Variants in CEP63 observed in about 807,000 individuals in gnomAD.
CEP63 encodes the protein centrosomal protein 63.
A neutral mutation model predicts 89.1 loss-of-function variants in CEP63; 84 were observed. The ratio of observed to expected loss-of-function variants is 0.94; its 90% CI spans 0.79 to 1.13. The LOEUF (loss-of-function observed/expected upper bound fraction) is 1.13. Ranked by LOEUF, CEP63 falls within the 50% of genes most tolerant of loss-of-function variation. The pLI, the probability that CEP63 is intolerant of heterozygous loss-of-function variation, is 0.00. For synonymous variants in CEP63, 267 were observed against 272.5 expected, an observed-to-expected ratio of 0.98 and a Z score of 0.20; for missense variants, 838 against 813.3, an observed-to-expected ratio of 1.03 and a Z score of -0.37.
intron 3 of CEP63, among the ~76,000 whole-genome samples, chr3:134,527,864 C>T (rs1455268828): frequency 1.3e-5 from 2 of 152,042 alleles, no homozygotes; most frequent in Non-Finnish European, 2.9e-5. Context: ...CAAGACTACC[C>T]TGCAGAGTTC....
the CEP63 span, among the ~76,000 whole-genome samples, chr3:134,772,584 A>G: frequency 1.3e-5 from 2 of 150,824 alleles, no homozygotes; most frequent in Non-Finnish European, 2.9e-5. Flanking sequence ...TGCTCCATGT[A>G]TCTAGGACTC....
chr3:134,775,961 A>G, the CEP63 span, among the ~76,000 whole-genome samples: 1 of 152,202 alleles, frequency 6.6e-6, no homozygotes, highest in Non-Finnish European at 1.5e-5. Flanking sequence ...ACTGAACACT[A>G]AAAGCTGAAA....
the CEP63 span, among the ~76,000 whole-genome samples, chr3:134,775,052 GC>G: frequency 1.3e-5 from 2 of 152,164 alleles, no homozygotes; most frequent in Non-Finnish European, 2.9e-5. Flanking sequence ...CTCCAGTTTT[GC>G]CACAGGATTA....
At position 134,495,095 on chromosome 3, in the gene CEP63, A is replaced by C. The variant is rs76643373; in HGVS notation, c.-25-201A>C. 2.2e-3 allele frequency among the ~76,000 whole-genome samples: 329 copies of C among 152,274 alleles called. 10 individuals are homozygous for C. In the East Asian group the frequency reaches 0.059, roughly 27 times the overall value. On this transcript the variant is annotated intron_variant, in intron 1 of 14. Transcript: ENST00000675561. ...TGTCAACCGCAATTCAGATATTTTT[A>C]AGTTATTCTGTTTTAGTCCGAAATA...
chr3:134,739,674 G>A, the CEP63 span, among the ~76,000 whole-genome samples: 2 of 149,116 alleles, frequency 1.3e-5, no homozygotes, highest in East Asian at 1.9e-4. Flanking sequence ...CCATGTACAC[G>A]AACTTTAAAA....
chr3:134,700,227 G>A, the CEP63 span, among the ~76,000 whole-genome samples: 157 of 152,180 alleles, frequency 1.0e-3, 2 homozygotes, highest in South Asian at 0.03. Context: ...CAAACATTGC[G>A]AACATATCCT....
At chr3:134,721,150 T>C in the CEP63 span, among the ~76,000 whole-genome samples, 1 of 152,144 alleles carries the variant, frequency 6.6e-6, no homozygotes, top group African/African-American at 2.4e-5. Flanking sequence ...TTTTCACCAA[T>C]ACTTTGTAGT....
Position 134,564,360 on chromosome 3 carries a change from T to G in CEP63, c.*2825T>G. ...TCATGTGCTCCTAAAACTCCCCCTT[T>G]ACTTGGCTACTTTATCTGGCTTGGC... On this transcript the variant is annotated 3_prime_UTR_variant, in exon 15 of 15. Coordinates refer to ENST00000675561, the MANE Select transcript of CEP63 (RefSeq NM_001353108.3). The G allele has an allele frequency of 1.0e-6, 1 of 985,504 alleles. No individual in the cohort carries two copies. The highest frequency in any genetic ancestry group is 1.2e-6 in the Non-Finnish European group (1 of 829,998). The allele number at this position is 985,504 out of a possible 1,614,324, so 61.0% of individuals were successfully genotyped here.
In CEP63 at chr3:134,504,208, G is replaced by A. The variant is rs544756248; in HGVS notation, c.45-2901G>A. ...TCTTATACTTTTTGTGTGTTTTCAC[G>A]ATAGTAGATATCATCCTTTTGCCTC... On this transcript the variant is annotated intron_variant, in intron 2 of 14. Coordinates refer to ENST00000675561, the MANE Select transcript of CEP63 (RefSeq NM_001353108.3). Among the ~76,000 whole-genome samples the A allele has an allele frequency of 4.6e-5, 7 of 151,274 alleles. No individual in the cohort carries two copies. In the South Asian group the frequency reaches 1.0e-3, roughly 23 times the overall value.
the CEP63 span, among the ~76,000 whole-genome samples, chr3:134,681,103 A>T: frequency 1.3e-5 from 2 of 152,206 alleles, no homozygotes; most frequent in African/African-American, 4.8e-5. Flanking sequence ...CAGACCCCTC[A>T]CAGGGCCCTG....
At chr3:134,550,708 G>A (rs1255400237) in intron 11 of CEP63, among the ~76,000 whole-genome samples, 3 of 152,180 alleles carry the variant, frequency 2.0e-5, no homozygotes, top group African/African-American at 7.2e-5. Context: ...AGCAGGGACT[G>A]GCTGCTGAAG....
At chr3:134,541,621 C>T (rs1309873571) in intron 6 of CEP63, among the ~76,000 whole-genome samples, 5 of 150,146 alleles carry the variant, frequency 3.3e-5, no homozygotes, top group Non-Finnish European at 1.5e-5. Flanking sequence ...ATCAAACGAT[C>T]CTCCTCCTCA....
intron 11 of CEP63, among the ~76,000 whole-genome samples, chr3:134,574,339 A>G (rs998775624): frequency 6.6e-6 from 1 of 152,110 alleles, no homozygotes; most frequent in Non-Finnish European, 1.5e-5. Flanking sequence ...AAGCAATCCA[A>G]CAGTTTCTGA....
At chr3:134,616,176 A>C in the CEP63 span, among the ~76,000 whole-genome samples, 1 of 152,332 alleles carries the variant, frequency 6.6e-6, no homozygotes, top group South Asian at 2.1e-4. Flanking sequence ...TGGATGATAG[A>C]AAGTCAGAAG....
Position 134,552,008 on chromosome 3 carries a change from A to G in CEP63, c.1463A>G (p.His488Arg). 6.3e-7 allele frequency: 1 copy of G among 1,575,144 alleles called. No individual in the cohort carries two copies. The highest frequency in any genetic ancestry group is 8.7e-7 in the Non-Finnish European group (1 of 1,147,376). ...EMVMKLELGL[H>R]EAKEISLADL... ...GTGATGAAATTGGAATTGGGTTTACATGAGGTACATAAATAGAAACTTAAG... is the reference window on the plus strand; with the variant it reads ...GTGATGAAATTGGAATTGGGTTTACGTGAGGTACATAAATAGAAACTTAAG... The change falls in exon 12 of 15, where the codon CAT becomes CGT. Residue 488 changes from histidine (H) to arginine (R), a missense_variant. Physicochemically the swap from His to Arg is conservative, Grantham distance 29. Coordinates refer to ENST00000675561, the MANE Select transcript of CEP63 (RefSeq NM_001353108.3).
At chr3:134,578,998 TC>T (rs1958284244), downstream of CEP63, among the ~76,000 whole-genome samples, 2 of 152,164 alleles carry the variant, frequency 1.3e-5, no homozygotes, top group Non-Finnish European at 2.9e-5. Context: ...CCTCAAGTGA[TC>T]CACCTGCCTT....
intron 14 of CEP63, among the ~76,000 whole-genome samples, chr3:134,560,528 C>T (rs958662517): frequency 6.6e-5 from 10 of 152,126 alleles, no homozygotes; most frequent in Non-Finnish European, 1.2e-4. Flanking sequence ...TGGAGATGGA[C>T]GGGACAGCGC....
At chr3:134,567,168 C>T (rs1957804240), downstream of CEP63, among the ~76,000 whole-genome samples, 1 of 139,348 alleles carries the variant, frequency 7.2e-6, no homozygotes, top group South Asian at 2.3e-4. Context: ...AAAAAAAAAT[C>T]ACATATTGTA....
At chr3:134,694,825 GC>G in the CEP63 span, among the ~76,000 whole-genome samples, 1 of 152,288 alleles carries the variant, frequency 6.6e-6, no homozygotes, top group East Asian at 1.9e-4. Context: ...AGCATGTCAG[GC>G]AAATTAGCAC....
Sources: allele counts gnomAD v4.1 joint callset (sites outside exome capture counted in the v4.1 genomes callset), GRCh38; gene constraint gnomAD v4.1.1; transcripts MANE v1.5; gene names NCBI Gene and HGNC (gene_info 2026-07-23, HGNC 2026-07-21).